The following NDST4 variants were observed in gnomAD, a reference collection of about 807,000 sequenced individuals.
NDST4 encodes N-deacetylase and N-sulfotransferase 4, also known as N-heparan sulfate sulfotransferase 4.
In NDST4, 63 loss-of-function variants were observed where a neutral mutation model predicts 100.8. That is an observed-to-expected ratio of 0.62 (90% confidence interval 0.51 to 0.77). The LOEUF is 0.77. NDST4 is among the 30% of genes least tolerant of loss of function. NDST4 has a pLI of 0.00. For synonymous variants in NDST4, 377 were observed against 361.8 expected (o/e 1.04, Z -0.48); for missense variants, 943 against 1,018.4 (o/e 0.93, Z 1.01).
intron 6 of NDST4, among the ~76,000 whole-genome samples, chr4:114,911,704 G>T (rs1311199084): frequency 6.6e-6 from 1 of 152,060 alleles, no homozygotes; most frequent in African/African-American, 2.4e-5. Context: ...AATATCGCGG[G>T]TATTGGGTAT....
intron 4 of NDST4, among the ~76,000 whole-genome samples, chr4:114,966,659 A>G (rs1726388928): frequency 6.6e-6 from 1 of 152,104 alleles, no homozygotes; most frequent in Non-Finnish European, 1.5e-5. Context: ...AAAAGGATTT[A>G]AAGACTTTTG....
Position 115,034,540 on chromosome 4 carries a change from T to C in NDST4, c.978+41519A>G, listed in dbSNP as rs567398963. ...TGAGTCACATTTGAAGTGCCTGTTA[T>C]AACATTAAGTTTAAATATGTAGGAA... On this transcript the variant is annotated intron_variant, in intron 2 of 13. Coordinates refer to ENST00000264363, the MANE Select transcript of NDST4 (RefSeq NM_022569.3). 3.9e-5 allele frequency among the ~76,000 whole-genome samples: 6 copies of C among 152,254 alleles called. No homozygotes were observed. The East Asian group carries it at 5.8e-4, about 15-fold the overall frequency.
At chr4:114,979,032 C>G (rs1044379129) in intron 2 of NDST4, among the ~76,000 whole-genome samples, 3 of 151,982 alleles carry the variant, frequency 2.0e-5, no homozygotes, top group African/African-American at 7.2e-5. Flanking sequence ...GTTAGGTATC[C>G]TTGGTGCCTC....
chr4:115,073,556 G>A (rs901664480), intron 2 of NDST4, among the ~76,000 whole-genome samples: 9 of 152,056 alleles, frequency 5.9e-5, no homozygotes, highest in Admixed American at 5.9e-4. Flanking sequence ...AGTGAAATAA[G>A]CAAGGCACAG....
At chr4:114,915,083 A>G (rs1296503334) in intron 6 of NDST4, among the ~76,000 whole-genome samples, 1 of 152,200 alleles carries the variant, frequency 6.6e-6, no homozygotes, top group African/African-American at 2.4e-5. Flanking sequence ...CAGAGGTGCT[A>G]TGTATGAACA....
intron 2 of NDST4, among the ~76,000 whole-genome samples, chr4:115,056,895 T>C (rs1029601558): frequency 8.5e-6 from 1 of 118,334 alleles, no homozygotes; most frequent in Admixed American, 8.6e-5. Flanking sequence ...TTTTGAAAAC[T>C]ATGTTATAGT....
chr4:115,033,157 A>ATATATATATATT (rs1491126767), intron 2 of NDST4, among the ~76,000 whole-genome samples: 12 of 59,942 alleles, frequency 2.0e-4, no homozygotes, highest in African/African-American at 6.3e-4. Context: ...ATATATATAT[A>ATATATATATATT]TTTTTTTTTT....
At chr4:114,866,923 G>C (rs945633666) in intron 7 of NDST4, among the ~76,000 whole-genome samples, 27 of 152,112 alleles carry the variant, frequency 1.8e-4, no homozygotes, top group Non-Finnish European at 3.7e-4. Flanking sequence ...AAAGTGAGGA[G>C]TTACCCCTGA....
At position 114,930,070 on chromosome 4, in the gene NDST4, G is replaced by A. The variant is rs1190015551; in HGVS notation, c.1536+5136C>T. On this transcript the variant is annotated intron_variant, in intron 6 of 13. Transcript: ENST00000264363. ...GAGATTAAATTCTCAGTAAGGGAAG[G>A]AATGAAGAGAGAGGTTTCCACTTGC... Among the ~76,000 whole-genome samples, 4 of 152,262 alleles carry A rather than the reference G, an allele frequency of 2.6e-5. No homozygotes were observed. The East Asian group carries it at 7.7e-4, about 29-fold the overall frequency.
At chr4:115,037,161 T>C (rs1359844256) in intron 2 of NDST4, among the ~76,000 whole-genome samples, 1 of 151,976 alleles carries the variant, frequency 6.6e-6, no homozygotes, top group Non-Finnish European at 1.5e-5. Flanking sequence ...ATAGTGGTCA[T>C]TAATGATTCT....
At chr4:115,013,947 G>A (rs1199102640) in intron 2 of NDST4, among the ~76,000 whole-genome samples, 2 of 151,980 alleles carry the variant, frequency 1.3e-5, no homozygotes, top group Non-Finnish European at 2.9e-5. Flanking sequence ...ATCCCCATTT[G>A]AATAGACTAT....
At chr4:115,033,607 T>G (rs975366715) in intron 2 of NDST4, among the ~76,000 whole-genome samples, 2 of 152,062 alleles carry the variant, frequency 1.3e-5, no homozygotes, top group African/African-American at 4.8e-5. Flanking sequence ...CCAATTTTAT[T>G]TATTTAATAA....
rs1560845286 is a variant in NDST4 at position 114,986,797 on chromosome 4, T to TAC, written c.979-9524_979-9523insGT. On this transcript the variant is annotated intron_variant, in intron 2 of 13. Coordinates refer to ENST00000264363, the MANE Select transcript of NDST4 (RefSeq NM_022569.3). ...TAAGCCTGGTATCCAATTATACATA[T>TAC]ATATATATATATATATATATATATA... is the stretch of plus-strand genomic sequence containing the variant. Among the ~76,000 whole-genome samples the TAC allele has an allele frequency of 1.3e-3, 21 of 16,404 alleles. 1 individual carries two copies. Among genetic ancestry groups the TAC allele is most frequent in the African/African-American group, 3.3e-3 (18 of 5,536 alleles). The allele number at this position is 16,404 out of a possible 152,430, so 10.8% of individuals were successfully genotyped here. A position where few individuals can be genotyped will look rare whatever the true frequency, so the allele number is the denominator to read the frequency against.
chr4:114,967,388 A>G (rs961889318), intron 4 of NDST4, among the ~76,000 whole-genome samples: 1 of 152,166 alleles, frequency 6.6e-6, no homozygotes, highest in Admixed American at 6.5e-5. Flanking sequence ...TGACTAAACA[A>G]ATGTAATTAC....
chr4:114,843,041 T>A (rs1327188520), intron 10 of NDST4, among the ~76,000 whole-genome samples: 1 of 152,308 alleles, frequency 6.6e-6, no homozygotes, highest in East Asian at 1.9e-4. Flanking sequence ...AGTACTAGAC[T>A]CATCAAATCA....
intron 4 of NDST4, among the ~76,000 whole-genome samples, chr4:114,938,036 G>T (rs1725671280): frequency 6.6e-6 from 1 of 152,204 alleles, no homozygotes; most frequent in Non-Finnish European, 1.5e-5. Flanking sequence ...GCCAAGATCT[G>T]CTCTGAGTTT....
chr4:115,042,076 C>T (rs1307215747), intron 2 of NDST4, among the ~76,000 whole-genome samples: 3 of 152,092 alleles, frequency 2.0e-5, no homozygotes, highest in Non-Finnish European at 2.9e-5. Flanking sequence ...TTTCCATTTT[C>T]ACTTACCTGA....
chr4:114,997,081 C>T (rs1727181520), intron 2 of NDST4, among the ~76,000 whole-genome samples: 1 of 152,006 alleles, frequency 6.6e-6, no homozygotes, highest in Admixed American at 6.6e-5. Flanking sequence ...TTTTCACTTC[C>T]TCCTATTTTC....
rs915316706 is a variant in NDST4, at chr4:115,095,082, A to G, written c.-246-17800T>C. On this transcript the variant is annotated intron_variant, in intron 1 of 13. Transcript: ENST00000264363. ...ACCAAGAATTCCAGCCCTTCTTTGC[A>G]TGTTCCCACCTCATTCAAATCTTAC... 4.6e-5 allele frequency among the ~76,000 whole-genome samples: 7 copies of G among 152,234 alleles called. 2 individuals carry two copies. The highest frequency in any genetic ancestry group is 4.6e-4 in the Admixed American group (7 of 15,278).
Sources: allele counts gnomAD v4.1 joint callset (sites outside exome capture counted in the v4.1 genomes callset), GRCh38; gene constraint gnomAD v4.1.1; transcripts MANE v1.5; gene names NCBI Gene and HGNC (gene_info 2026-07-23, HGNC 2026-07-21).